The following NAT10 variants were observed in gnomAD, a reference collection of about 807,000 sequenced individuals.
NAT10 encodes the protein N-acetyltransferase 10.
In NAT10, 109 loss-of-function variants were observed where a neutral mutation model predicts 132.2. The observed-to-expected ratio is 0.82, with a 90% confidence interval of 0.71 to 0.97. The LOEUF (loss-of-function observed/expected upper bound fraction) is 0.97. NAT10 is among the 50% of genes least tolerant of loss of function. The probability of loss-of-function intolerance (pLI) is 0.00; values close to 1 mark genes in which losing one functional copy is unlikely to be tolerated. For synonymous variants in NAT10, 479 were observed against 478.0 expected, an observed-to-expected ratio of 1.00 and a Z score of -0.03; for missense variants, 1,184 against 1,263.4, an observed-to-expected ratio of 0.94 and a Z score of 0.95.
At position 34,140,431 on chromosome 11, in the gene NAT10, C is replaced by T; in HGVS notation, c.2451C>T (p.Phe817=). 1 of 1,614,096 alleles carries T rather than the reference C, an allele frequency of 6.2e-7. No individual in the cohort carries two copies. The highest frequency in any genetic ancestry group is 8.5e-7 in the Non-Finnish European group (1 of 1,179,946). ...ALSREELEAL[F]LPYDLKRLEM... Reference sequence around the variant, plus strand: ...GCCGGGAGGAGCTGGAAGCACTCTTCCTCCCCTATGACCTGAAGCGGCTGG... The same window carrying T: ...GCCGGGAGGAGCTGGAAGCACTCTTTCTCCCCTATGACCTGAAGCGGCTGG... Residue 817 remains phenylalanine (F), a synonymous_variant, in exon 24 of 29, where the codon TTC becomes TTT. Transcript: ENST00000257829.
rs769422131 is a variant in NAT10 at position 34,134,554 on chromosome 11, G to A, written c.1879G>A (p.Val627Ile). The change falls in exon 18 of 29, where the codon GTT (valine) becomes ATT (isoleucine). Residue 627 changes from valine (V) to isoleucine (I), a missense_variant. Physicochemically the swap from Val to Ile is conservative, Grantham distance 29. Coordinates refer to ENST00000257829, the MANE Select transcript of NAT10 (RefSeq NM_024662.3). The part of the protein sequence containing the change: ...DFGGLSGGRV[V>I]RIAVHPDYQG... The stretch of plus-strand genomic sequence containing the variant: ...TGGTGGTCTGTCTGGTGGAAGGGTC[G>A]TTCGCATTGCTGTTCACCCAGATTA... 30 of 1,614,010 alleles carry A rather than the reference G, an allele frequency of 1.9e-5. No individual in the cohort carries two copies. The African/African-American group carries it at 2.7e-4, about 14-fold the overall frequency.
chr11:34,140,769 G>A (rs1380511105), intron 24 of NAT10, among the ~76,000 whole-genome samples, 197 bp downstream of exon 24: 1 of 152,176 alleles, frequency 6.6e-6, no homozygotes, highest in Non-Finnish European at 1.5e-5. Context: ...GCCATACAAA[G>A]TGAGAGAGCT....
intron 14 of NAT10, 44 bp from the exon 15 acceptor site, chr11:34,132,081 C>T (rs2132966105): frequency 4.2e-6 from 6 of 1,440,468 alleles, no homozygotes; most frequent in Non-Finnish European, 5.9e-6. Flanking sequence ...TATGACCTGT[C>T]TTCGGCTATT....
At chr11:34,124,082 T>C (rs902492033) in intron 10 of NAT10, among the ~76,000 whole-genome samples, 4 of 152,032 alleles carry the variant, frequency 2.6e-5, no homozygotes, top group Non-Finnish European at 5.9e-5. Flanking sequence ...GGCAGGAGAA[T>C]CGCTTGAACC....
At chr11:34,138,313 C>T (rs1420555757) in intron 21 of NAT10, among the ~76,000 whole-genome samples, 1 of 152,090 alleles carries the variant, frequency 6.6e-6, no homozygotes, top group Non-Finnish European at 1.5e-5. Flanking sequence ...AGGATGAAGA[C>T]ATTGTCTTCT....
intron 4 of NAT10, 144 bp downstream of exon 4, chr11:34,112,367 G>C (rs1273562625): frequency 1.0e-6 from 1 of 982,202 alleles, no homozygotes; most frequent in East Asian, 2.6e-5. Flanking sequence ...TGGAAGTCCT[G>C]GCCACTTTCC....
chr11:34,129,894 C>T (rs1852074244), intron 12 of NAT10, among the ~76,000 whole-genome samples: 1 of 152,092 alleles, frequency 6.6e-6, no homozygotes, highest in East Asian at 1.9e-4. Flanking sequence ...TAGGTATGAG[C>T]CACCATGCCC....
chr11:34,107,576 A>G (rs897305107), intron 1 of NAT10, among the ~76,000 whole-genome samples: 4 of 152,204 alleles, frequency 2.6e-5, no homozygotes, highest in Non-Finnish European at 4.4e-5. Context: ...AAGAAATGTT[A>G]TCATACTTTA....
Position 34,142,321 on chromosome 11 carries a change from G to T in NAT10, c.2858G>T (p.Gly953Val), listed in dbSNP as rs774470787. 2.5e-6 allele frequency: 4 copies of T among 1,614,032 alleles called. No individual in the cohort carries two copies. The highest frequency in any genetic ancestry group is 1.3e-5 in the African/African-American group (1 of 74,904). The change falls in exon 27 of 29, where the codon GGG (glycine) becomes GTG (valine). Residue 953 changes from glycine to valine, a missense_variant. By Grantham distance (109) the Gly-to-Val change is moderately radical. Transcript: ENST00000257829. ...EFQEKHKKEV[G>V]KLKSMDLSEY... ...CAGGAGAAACACAAGAAGGAAGTAG[G>T]GAAGCTGAAGAGCATGGACCTCTCT...
At chr11:34,132,036 C>T (rs1040241650) in intron 14 of NAT10, 89 bp from the exon 15 acceptor site, 4 of 964,734 alleles carry the variant, frequency 4.1e-6, no homozygotes, top group Non-Finnish European at 6.7e-6. Flanking sequence ...CTCCTGTTCC[C>T]AGCTACGGAA....
rs1214907160 is a variant in NAT10 at position 34,132,116 on chromosome 11, C to T, written c.1521-9C>T. The T allele has an allele frequency of 1.2e-6, 2 of 1,607,828 alleles. No individual in the cohort carries two copies. Among genetic ancestry groups the T allele is most frequent in the African/African-American group, 2.7e-5 (2 of 74,774 alleles). Reference sequence around the variant, plus strand: ...TTGTTTTGTTTTGGTTTCTTAACTCCAGACCCAGGTACTATGTTAATAGAG... The same window carrying T: ...TTGTTTTGTTTTGGTTTCTTAACTCTAGACCCAGGTACTATGTTAATAGAG... On this transcript the variant is annotated splice_polypyrimidine_tract_variant and intron_variant, in intron 14 of 28. Transcript: ENST00000257829.
Position 34,118,285 on chromosome 11 carries a change from C to T in NAT10, c.663C>T (p.Pro221=). 1 of 1,613,224 alleles carries T rather than the reference C, an allele frequency of 6.2e-7. No individual in the cohort carries two copies. The highest frequency in any genetic ancestry group is 8.5e-7 in the Non-Finnish European group (1 of 1,179,148). Residue 221 remains proline (P), a synonymous_variant, in exon 7 of 29, where the codon CCC becomes CCT. Coordinates refer to ENST00000257829, the MANE Select transcript of NAT10 (RefSeq NM_024662.3). The stretch of plus-strand genomic sequence containing the variant: ...TTGCCACCATGGAGGCCCTGCCTCC[C>T]CAGACTCCGGTGAGTCTGTGCTGGG... ...SHVATMEALP[P]QTPDESLGPS... is the part of the protein sequence containing the mutation.
In NAT10 at chr11:34,131,333, A is replaced by C. The variant is rs201043547; in HGVS notation, c.1370-48A>C. 30 of 1,566,546 alleles carry C rather than the reference A, an allele frequency of 1.9e-5. 1 individual carries two copies. In the East Asian group the frequency reaches 5.9e-4, roughly 31 times the overall value. On this transcript the variant is annotated intron_variant, in intron 13 of 28. Transcript: ENST00000257829. ...TTTTCCTTGCTTTTTTAGACAATAC[A>C]TATTTAATCATTGTTTCTTCTTTTG...
At chr11:34,123,018 T>C (rs1340404883) in intron 9 of NAT10, among the ~76,000 whole-genome samples, 1 of 152,224 alleles carries the variant, frequency 6.6e-6, no homozygotes, top group Non-Finnish European at 1.5e-5. Context: ...TTAGGTGTGA[T>C]GTTAGTTTCT....
intron 1 of NAT10, among the ~76,000 whole-genome samples, chr11:34,106,341 C>A (rs1851594423): frequency 6.6e-6 from 1 of 152,090 alleles, no homozygotes; most frequent in Non-Finnish European, 1.5e-5. Context: ...CAAGGCCTTC[C>A]CCATCCAGGC....
chr11:34,115,731 C>A, intron 5 of NAT10, 92 bp from the exon 6 acceptor site: 1 of 1,273,744 alleles, frequency 7.9e-7, no homozygotes, highest in East Asian at 2.4e-5. Flanking sequence ...GCAAGATTGC[C>A]CATGTCTCCT....
intron 8 of NAT10, among the ~76,000 whole-genome samples, chr11:34,122,169 T>C (rs900737985): frequency 3.3e-5 from 5 of 151,802 alleles, no homozygotes; most frequent in Admixed American, 2.6e-4. Flanking sequence ...AGAGTGAAAC[T>C]CCATCTCAGA....
At chr11:34,118,555 C>A in intron 8 of NAT10, 52 bp downstream of exon 8, 1 of 1,465,636 alleles carries the variant, frequency 6.8e-7, no homozygotes, top group Non-Finnish European at 9.3e-7. Context: ...ACATAGCATA[C>A]GGAGCGTAAC....
chr11:34,110,763 CCT>C (rs1382596508), intron 3 of NAT10, among the ~76,000 whole-genome samples: 4 of 151,854 alleles, frequency 2.6e-5, no homozygotes, highest in African/African-American at 7.3e-5. Context: ...TAAACTTGCC[CCT>C]GTCCTGTGGT....
Sources: gnomAD v4.1 joint callset for allele counts (sites outside exome capture counted in the v4.1 genomes callset) on GRCh38, gnomAD v4.1.1 for gene constraint, MANE v1.5 for transcripts, NCBI Gene and HGNC (gene_info 2026-07-23, HGNC 2026-07-21) for gene names.